The following FUT9 variants were observed in gnomAD, a reference collection of about 807,000 sequenced individuals.
FUT9 encodes the protein 4-galactosyl-N-acetylglucosaminide 3-alpha-L-fucosyltransferase 9.
In FUT9, 15 loss-of-function variants were observed where a neutral mutation model predicts 29.7. That is an observed-to-expected ratio of 0.51 (90% CI 0.34 to 0.78). FUT9 has a LOEUF of 0.78. Ranked by LOEUF, FUT9 falls within the 30% of genes least tolerant of loss-of-function variation. The probability of loss-of-function intolerance (pLI) is 0.01; values close to 1 mark genes in which losing one functional copy is unlikely to be tolerated. For missense variants in FUT9, 319 were observed against 425.4 expected (o/e 0.75, Z 2.20); for synonymous variants, 169 against 153.7 (o/e 1.10, Z -0.74).
intron 1 of FUT9, among the ~76,000 whole-genome samples, chr6:96,074,287 T>A (rs996389308): frequency 1.3e-4 from 20 of 152,210 alleles, no homozygotes; most frequent in African/African-American, 4.6e-4. Flanking sequence ...TGTTAAAAAA[T>A]AAAACACAGC....
At position 96,065,549 on chromosome 6, in the gene FUT9, G is replaced by C. The variant is rs551173990; in HGVS notation, c.-97-48490G>C. ...CCAGTATGTTAATAAGTACAATATT[G>C]TTCTATCTCTTTAAGCTCCAAGTCT... is the stretch of plus-strand genomic sequence containing the variant. On this transcript the variant is annotated intron_variant, in intron 1 of 2. Transcript: ENST00000302103. 3.3e-5 allele frequency among the ~76,000 whole-genome samples: 5 copies of C among 152,070 alleles called. No homozygotes were observed. In the South Asian group the frequency reaches 1.0e-3, roughly 32 times the overall value.
intron 1 of FUT9, among the ~76,000 whole-genome samples, chr6:96,086,177 G>A (rs575499604): frequency 7.9e-5 from 12 of 152,198 alleles, no homozygotes; most frequent in African/African-American, 2.9e-4. Flanking sequence ...TCTCCAGACC[G>A]CATAAATGTA....
intron 1 of FUT9, among the ~76,000 whole-genome samples, chr6:96,032,491 T>C (rs1470101067): frequency 6.6e-6 from 1 of 151,668 alleles, no homozygotes; most frequent in East Asian, 1.9e-4. Context: ...GAAGGATTAC[T>C]CAAATATGCT....
intron 1 of FUT9, among the ~76,000 whole-genome samples, chr6:96,109,910 C>G (rs1054694529): frequency 6.6e-6 from 1 of 152,124 alleles, no homozygotes; most frequent in Non-Finnish European, 1.5e-5. Flanking sequence ...ACCCAGAGCA[C>G]TATGGGTGTG....
chr6:96,126,737 A>G (rs1389619169), intron 2 of FUT9, among the ~76,000 whole-genome samples: 1 of 152,224 alleles, frequency 6.6e-6, no homozygotes, highest in Admixed American at 6.5e-5. Flanking sequence ...ATTTACTATT[A>G]TAAACATACT....
rs975611728 is a variant in FUT9 at position 96,207,640 on chromosome 6, T to C, written c.*3405T>C. The C allele has an allele frequency of 6.0e-6, 1 of 167,018 alleles. No homozygotes were observed. 10.3% of individuals were successfully genotyped at this position (167,018 alleles called of 1,614,324 possible). A position where few individuals can be genotyped will look rare whatever the true frequency, so the allele number is the denominator to read the frequency against. Reference sequence around the variant, plus strand: ...TTGTAAGAAACTCATGAAAAAGATATATTGATTCAACAAAATTGGTTTGCT... The same window carrying C: ...TTGTAAGAAACTCATGAAAAAGATACATTGATTCAACAAAATTGGTTTGCT... On this transcript the variant is annotated 3_prime_UTR_variant, in exon 3 of 3. Transcript: ENST00000302103.
At chr6:96,055,792 G>T (rs980143816) in intron 1 of FUT9, among the ~76,000 whole-genome samples, 1 of 147,656 alleles carries the variant, frequency 6.8e-6, no homozygotes, top group African/African-American at 2.5e-5. Context: ...TGATCTGCCT[G>T]CCTTGGCCTC....
At chr6:96,040,530 C>T (rs986683477) in intron 1 of FUT9, among the ~76,000 whole-genome samples, 30 of 152,108 alleles carry the variant, frequency 2.0e-4, no homozygotes, top group African/African-American at 6.5e-4. Context: ...ACACCTTTCA[C>T]GACAGGCAAT....
At chr6:96,100,732 A>G (rs551830970) in intron 1 of FUT9, among the ~76,000 whole-genome samples, 7 of 152,344 alleles carry the variant, frequency 4.6e-5, no homozygotes, top group African/African-American at 1.2e-4. Context: ...GTTGTCAGGT[A>G]GTGAGGTACT....
chr6:96,145,966 C>T (rs2127974892), intron 2 of FUT9, among the ~76,000 whole-genome samples: 1 of 152,304 alleles, frequency 6.6e-6, no homozygotes, highest in African/African-American at 2.4e-5. Context: ...GGTCCTCCTA[C>T]CTCAGCTTCC....
chr6:96,032,291 A>G (rs568741259), intron 1 of FUT9, among the ~76,000 whole-genome samples: 1 of 151,710 alleles, frequency 6.6e-6, no homozygotes, highest in South Asian at 2.1e-4. Context: ...TCAACTTTCT[A>G]TCCCTAATGA....
chr6:96,206,987 G>A lies in FUT9; in HGVS notation c.*2752G>A, dbSNP rs1179317930. On this transcript the variant is annotated 3_prime_UTR_variant, in exon 3 of 3. Coordinates refer to ENST00000302103, the MANE Select transcript of FUT9 (RefSeq NM_006581.4). ...GGCAGTACTACTAAGTATCTAGCAG[G>A]TGCTTTGAAACCCCATTACTAAGTC... 3 of 166,864 alleles carry A rather than the reference G, an allele frequency of 1.8e-5. No homozygotes were observed. The Admixed American group carries it at 2.0e-4, about 11-fold the overall frequency. 10.3% of individuals were successfully genotyped at this position (166,864 alleles called of 1,614,324 possible). A position where few individuals can be genotyped will look rare whatever the true frequency, so the allele number is the denominator to read the frequency against.
intron 1 of FUT9, among the ~76,000 whole-genome samples, chr6:96,020,639 G>C (rs1208137540): frequency 1.3e-5 from 2 of 152,010 alleles, no homozygotes; most frequent in Admixed American, 6.6e-5. Flanking sequence ...GGTTATGGTG[G>C]CTCATCACCA....
intron 1 of FUT9, among the ~76,000 whole-genome samples, chr6:96,077,863 G>A (rs1771165085): frequency 6.6e-6 from 1 of 152,048 alleles, no homozygotes; most frequent in Admixed American, 6.6e-5. Context: ...TATTCCTTTG[G>A]TTGTTCCTTT....
At chr6:96,056,158 T>C (rs1770763360) in intron 1 of FUT9, among the ~76,000 whole-genome samples, 1 of 152,214 alleles carries the variant, frequency 6.6e-6, no homozygotes, top group South Asian at 2.1e-4. Flanking sequence ...CTGCATAAAA[T>C]GACAATTTGT....
chr6:96,096,282 C>T (rs1320871531), intron 1 of FUT9, among the ~76,000 whole-genome samples: 1 of 152,052 alleles, frequency 6.6e-6, no homozygotes, highest in African/African-American at 2.4e-5. Context: ...TGAAGTTTTC[C>T]AGAATCTTGC....
chr6:96,188,752 A>AT (rs1354852202), intron 2 of FUT9, among the ~76,000 whole-genome samples: 1 of 151,112 alleles, frequency 6.6e-6, no homozygotes, highest in Non-Finnish European at 1.5e-5. Context: ...TAAGAAATAC[A>AT]TTTTTCCTGA....
chr6:96,070,233 T>C (rs936712713), intron 1 of FUT9, among the ~76,000 whole-genome samples: 10 of 152,200 alleles, frequency 6.6e-5, no homozygotes, highest in Admixed American at 1.3e-4. Flanking sequence ...TGTCCCAGAA[T>C]TGATATTTCT....
rs982514311 is a variant in FUT9, at chr6:96,105,046, A to G, written c.-97-8993A>G. On this transcript the variant is annotated intron_variant, in intron 1 of 2. Transcript: ENST00000302103. ...GAGTCAGATTTATTCATAGTGGTGG[A>G]ATGCTCACGCCTCTAAGGAATAAGT... 2.6e-5 allele frequency among the ~76,000 whole-genome samples: 4 copies of G among 152,158 alleles called. No individual in the cohort carries two copies. The East Asian group carries it at 5.8e-4, about 22-fold the overall frequency.
Sources: gnomAD v4.1 joint callset for allele counts (sites outside exome capture counted in the v4.1 genomes callset) on GRCh38, gnomAD v4.1.1 for gene constraint, MANE v1.5 for transcripts, NCBI Gene and HGNC (gene_info 2026-07-23, HGNC 2026-07-21) for gene names.